The following MAP10 variants were observed in gnomAD, a reference collection of about 807,000 sequenced individuals.
MAP10 encodes the protein microtubule-associated protein 10.
A neutral mutation model predicts 6.3 loss-of-function variants in MAP10; 10 were observed. That is an observed-to-expected ratio of 1.58 (90% confidence interval 0.98 to 2.69). The LOEUF is 2.69. Among genes scored for constraint, MAP10 ranks in the 30% most tolerant of loss-of-function variants. The pLI, the probability that MAP10 is intolerant of heterozygous loss-of-function variation, is 0.00. For synonymous variants in MAP10, 459 were observed against 429.3 expected (o/e 1.07, Z -0.86); for missense variants, 1,189 against 1,086.5 (o/e 1.09, Z -1.33).
Position 232,806,181 on chromosome 1 carries a change from G to C in MAP10, c.732G>C (p.Lys244Asn). 1 of 1,613,994 alleles carries C rather than the reference G, an allele frequency of 6.2e-7. No homozygotes were observed. Among genetic ancestry groups the C allele is most frequent in the Non-Finnish European group, 8.5e-7 (1 of 1,179,900 alleles). The change falls in exon 1 of 1, where the codon AAG (lysine) becomes AAC (asparagine). Residue 244 changes from lysine (K) to asparagine (N), a missense_variant. Lys to Asn is a moderately conservative substitution (Grantham distance 94). Transcript: ENST00000418460. ...AGTTAGAAATCCCAGAGGCACAGAA[G>C]GATTTGAAGGAAATGGTTAAAAGTA... ...LGELEIPEAQKDLKEMVKSKA... is the reference protein window; with the variant it reads ...LGELEIPEAQNDLKEMVKSKA...
rs1360127753 is a variant in MAP10 at position 232,806,625 on chromosome 1, A to C, written c.1176A>C (p.Ile392=). The C allele has an allele frequency of 1.2e-6, 2 of 1,613,958 alleles. No homozygotes were observed. ...CQTEQNRINT[I]RQLPLLNALL... ...CTGAACAAAATCGAATTAATACAAT[A>C]AGGCAGTTGCCTTTGTTAAATGCTT... The change falls in exon 1 of 1, where the codon ATA becomes ATC. Residue 392 remains isoleucine (I), a synonymous_variant. Coordinates refer to ENST00000418460, the MANE Select transcript of MAP10 (RefSeq NM_019090.3).
At position 232,808,277 on chromosome 1, in the gene MAP10, GAATT is replaced by G. The variant is rs770566666; in HGVS notation, c.*113_*116del. 23 of 603,142 alleles carry G rather than the reference GAATT, an allele frequency of 3.8e-5. No homozygotes were observed. Among genetic ancestry groups the G allele is most frequent in the African/African-American group, 5.6e-5 (3 of 53,194 alleles). 37.4% of individuals were successfully genotyped at this position (603,142 alleles called of 1,614,324 possible). On this transcript the variant is annotated 3_prime_UTR_variant, in exon 1 of 1. Coordinates refer to ENST00000418460, the MANE Select transcript of MAP10 (RefSeq NM_019090.3). ...TGTGAATAATTTTTTAAAGAAATAT[GAATT>G]AACGTTATTCCTTTGATGTTTAAAT...
At position 232,807,925 on chromosome 1, in the gene MAP10, G is replaced by T. The variant is rs745985214; in HGVS notation, c.2476G>T (p.Ala826Ser). 2.5e-6 allele frequency: 4 copies of T among 1,613,220 alleles called. No individual in the cohort carries two copies. Among genetic ancestry groups the T allele is most frequent in the Non-Finnish European group, 2.5e-6 (3 of 1,179,648 alleles). The change falls in exon 1 of 1, where the codon GCT becomes TCT. Residue 826 changes from alanine (A) to serine (S), a missense_variant. Transcript: ENST00000418460. ...GCACAATTCTGAAATTACAAAGAGAGCTCAAGACATCTCTGTTAAAACAAG... is the reference window on the plus strand; with the variant it reads ...GCACAATTCTGAAATTACAAAGAGATCTCAAGACATCTCTGTTAAAACAAG... The part of the protein sequence containing the change: ...SMHNSEITKR[A>S]QDISVKTRSS...
Position 232,808,188 on chromosome 1 carries a change from C to A in MAP10, c.*21C>A. 6 of 1,491,600 alleles carry A rather than the reference C, an allele frequency of 4.0e-6. No homozygotes were observed. Among genetic ancestry groups the A allele is most frequent in the Non-Finnish European group, 5.4e-6 (6 of 1,113,022 alleles). 92.4% of individuals were successfully genotyped at this position (1,491,600 alleles called of 1,614,324 possible). A position where few individuals can be genotyped will look rare whatever the true frequency, so the allele number is the denominator to read the frequency against. On this transcript the variant is annotated 3_prime_UTR_variant, in exon 1 of 1. Transcript: ENST00000418460. ...TGTAAAAATACATGCTTTTAAAAAACTTTCAAGGACCTATGTGTACTGTTA... is the reference window on the plus strand; with the variant it reads ...TGTAAAAATACATGCTTTTAAAAAAATTTCAAGGACCTATGTGTACTGTTA...
In MAP10 at chr1:232,806,776, T is replaced by G; in HGVS notation, c.1327T>G (p.Cys443Gly). 6.2e-7 allele frequency: 1 copy of G among 1,613,786 alleles called. No homozygotes were observed. The highest frequency in any genetic ancestry group is 8.5e-7 in the Non-Finnish European group (1 of 1,179,848). Residue 443 changes from cysteine (C) to glycine (G), a missense_variant, in exon 1 of 1, where the codon TGC becomes GGC. Transcript: ENST00000418460. ...ACCCGAATCTTCTGCCAAATCCACA[T>G]GCCGGTCTGAAGCCAAGAAGGATAA... is the stretch of plus-strand genomic sequence containing the variant. ...KSPESSAKST[C>G]RSEAKKDKRS...
Position 232,807,478 on chromosome 1 carries a change from C to A in MAP10, c.2029C>A (p.Leu677Ile). The A allele has an allele frequency of 1.2e-6, 2 of 1,613,718 alleles. No individual in the cohort carries two copies. The highest frequency in any genetic ancestry group is 1.7e-6 in the Non-Finnish European group (2 of 1,179,726). Residue 677 changes from leucine (L) to isoleucine (I), a missense_variant, in exon 1 of 1, where the codon CTT becomes ATT. Coordinates refer to ENST00000418460, the MANE Select transcript of MAP10 (RefSeq NM_019090.3). ...RQVKTTDNDI[L>I]MADISDKRTG... Reference sequence around the variant, plus strand: ...GGTCAAAACCACAGATAATGACATTCTTATGGCTGATATAAGTGACAAGAG... The same window carrying A: ...GGTCAAAACCACAGATAATGACATTATTATGGCTGATATAAGTGACAAGAG...
Position 232,806,564 on chromosome 1 carries a change from T to C in MAP10, c.1115T>C (p.Ile372Thr), listed in dbSNP as rs1313486555. 11 of 1,613,816 alleles carry C rather than the reference T, an allele frequency of 6.8e-6. No homozygotes were observed. In the East Asian group the frequency reaches 2.0e-4, roughly 29 times the overall value. ...HPPMLVNPPH[I>T]QNIGATNQTC... ...CCAATGCTTGTAAATCCTCCACATA[T>C]TCAGAATATAGGAGCAACTAATCAA... Residue 372 changes from isoleucine (I) to threonine (T), a missense_variant, in exon 1 of 1, where the codon ATT becomes ACT. Physicochemically the swap from Ile to Thr is moderately conservative, Grantham distance 89. Transcript: ENST00000418460.
chr1:232,807,750 A>T lies in MAP10; in HGVS notation c.2301A>T (p.Ser767=). 6.2e-7 allele frequency: 1 copy of T among 1,613,838 alleles called. No homozygotes were observed. Among genetic ancestry groups the T allele is most frequent in the Non-Finnish European group, 8.5e-7 (1 of 1,179,790 alleles). ...GTTCTATCCTTAGCCCACCTTTTTCAGCCGGGTCACCTGTACACTCATACA... is the reference window on the plus strand; with the variant it reads ...GTTCTATCCTTAGCCCACCTTTTTCTGCCGGGTCACCTGTACACTCATACA... The part of the protein sequence containing the change: ...DRSSILSPPF[S]AGSPVHSYRK... Residue 767 remains serine (S), a synonymous_variant, in exon 1 of 1, where the codon TCA becomes TCT. Coordinates refer to ENST00000418460, the MANE Select transcript of MAP10 (RefSeq NM_019090.3).
chr1:232,808,837 G>A lies in MAP10; in HGVS notation c.*670G>A, dbSNP rs754844845. Among the ~76,000 whole-genome samples, 8 of 151,974 alleles carry A rather than the reference G, an allele frequency of 5.3e-5. No homozygotes were observed. The highest frequency in any genetic ancestry group is 1.0e-4 in the Non-Finnish European group (7 of 67,964). ...CATTTTTGTATCTAGCACAATTCCT[G>A]GCATGTGGCTGCAGTGCAATAAAAA... On this transcript the variant is annotated 3_prime_UTR_variant, in exon 1 of 1. Transcript: ENST00000418460.
Position 232,806,044 on chromosome 1 carries a change from A to C in MAP10, c.595A>C (p.Thr199Pro), listed in dbSNP as rs1447162391. ...CCAACTTGAGCGGCCCCTCACCTTCACCCGCACAGGAGGAGGAGCGGAGGT... is the reference window on the plus strand; with the variant it reads ...CCAACTTGAGCGGCCCCTCACCTTCCCCCGCACAGGAGGAGGAGCGGAGGT... ...LSQLERPLTF[T>P]RTGGGAEVSP... Residue 199 changes from threonine (T) to proline (P), a missense_variant, in exon 1 of 1, where the codon ACC (threonine) becomes CCC (proline). By Grantham distance (38) the Thr-to-Pro change is conservative (BLOSUM62 -1). Coordinates refer to ENST00000418460, the MANE Select transcript of MAP10 (RefSeq NM_019090.3). 2 of 1,613,744 alleles carry C rather than the reference A, an allele frequency of 1.2e-6. No homozygotes were observed. Among genetic ancestry groups the C allele is most frequent in the South Asian group, 1.1e-5 (1 of 91,074 alleles).
rs1201774213 is a variant in MAP10, at chr1:232,807,041, T to C, written c.1592T>C (p.Met531Thr). Residue 531 changes from methionine (M) to threonine (T), a missense_variant, in exon 1 of 1, where the codon ATG (methionine) becomes ACG (threonine). Physicochemically the swap from Met to Thr is moderately conservative, Grantham distance 81 (BLOSUM62 -1). Transcript: ENST00000418460. ...RELYRKRQSQMLGTKFRIPSS... is the reference protein window; with the variant it reads ...RELYRKRQSQTLGTKFRIPSS... Reference sequence around the variant, plus strand: ...CTATATAGAAAAAGACAATCACAAATGTTGGGTACAAAATTCAGAATTCCG... The same window carrying C: ...CTATATAGAAAAAGACAATCACAAACGTTGGGTACAAAATTCAGAATTCCG... The C allele has an allele frequency of 1.2e-6, 2 of 1,613,158 alleles. No homozygotes were observed. The highest frequency in any genetic ancestry group is 1.1e-5 in the South Asian group (1 of 90,814).
rs1666157313 is a variant in MAP10 at position 232,809,135 on chromosome 1, T to A, written c.*968T>A. Among the ~76,000 whole-genome samples, 1 of 152,090 alleles carries A rather than the reference T, an allele frequency of 6.6e-6. No homozygotes were observed. Among genetic ancestry groups the A allele is most frequent in the Non-Finnish European group, 1.5e-5 (1 of 67,942 alleles). ...TCATTTCAGTTTGTTCAATGGTTAT[T>A]TTTAGTGTATGGAACTTTGTTTTTA... On this transcript the variant is annotated 3_prime_UTR_variant, in exon 1 of 1. Coordinates refer to ENST00000418460, the MANE Select transcript of MAP10 (RefSeq NM_019090.3).
At position 232,806,487 on chromosome 1, in the gene MAP10, A is replaced by C. The variant is rs775183254; in HGVS notation, c.1038A>C (p.Pro346=). Residue 346 remains proline, a synonymous_variant, in exon 1 of 1, where the codon CCA becomes CCC. Coordinates refer to ENST00000418460, the MANE Select transcript of MAP10 (RefSeq NM_019090.3). ...ASPEKKRVNP[P]AHRSCLKHPS... is the part of the protein sequence containing the mutation. ...CTGAAAAAAAGCGTGTAAATCCCCC[A>C]GCACACAGGAGTTGTCTAAAGCATC... is the stretch of plus-strand genomic sequence containing the variant. The C allele has an allele frequency of 6.2e-7, 1 of 1,613,834 alleles. No individual in the cohort carries two copies. Among genetic ancestry groups the C allele is most frequent in the Non-Finnish European group, 8.5e-7 (1 of 1,179,904 alleles).
Position 232,806,507 on chromosome 1 carries a change from A to T in MAP10, c.1058A>T (p.Lys353Met). 6.2e-7 allele frequency: 1 copy of T among 1,613,956 alleles called. No individual in the cohort carries two copies. Among genetic ancestry groups the T allele is most frequent in the Non-Finnish European group, 8.5e-7 (1 of 1,179,888 alleles). Residue 353 changes from lysine (K) to methionine (M), a missense_variant, in exon 1 of 1, where the codon AAG becomes ATG. By Grantham distance (95) the Lys-to-Met change is moderately conservative. Transcript: ENST00000418460. ...CCCCCAGCACACAGGAGTTGTCTAA[A>T]GCATCCAAGTTCTGCAGCACACGAA... ...VNPPAHRSCLKHPSSAAHEHP... is the reference protein window; with the variant it reads ...VNPPAHRSCLMHPSSAAHEHP...
Position 232,806,046 on chromosome 1 carries a change from C to T in MAP10, c.597C>T (p.Thr199=), listed in dbSNP as rs553686012. The T allele has an allele frequency of 3.1e-6, 5 of 1,613,970 alleles. No individual in the cohort carries two copies. The highest frequency in any genetic ancestry group is 4.5e-5 in the East Asian group (2 of 44,868). Residue 199 remains threonine (T), a synonymous_variant, in exon 1 of 1, where the codon ACC becomes ACT. Transcript: ENST00000418460. Reference sequence around the variant, plus strand: ...AACTTGAGCGGCCCCTCACCTTCACCCGCACAGGAGGAGGAGCGGAGGTCA... The same window carrying T: ...AACTTGAGCGGCCCCTCACCTTCACTCGCACAGGAGGAGGAGCGGAGGTCA... ...LSQLERPLTF[T]RTGGGAEVSP...
rs1360199041 is a variant in MAP10, at chr1:232,807,281, A to G, written c.1832A>G (p.Asn611Ser). The G allele has an allele frequency of 1.2e-6, 2 of 1,613,592 alleles. No homozygotes were observed. The highest frequency in any genetic ancestry group is 1.7e-6 in the Non-Finnish European group (2 of 1,179,730). Residue 611 changes from asparagine to serine, a missense_variant, in exon 1 of 1, where the codon AAT becomes AGT. Transcript: ENST00000418460. ...KTVDCSKNRI[N>S]NVSLEEVVSP... ...GTTGATTGTAGTAAAAATAGAATCA[A>G]TAATGTTTCATTGGAAGAAGTTGTG...
Position 232,807,259 on chromosome 1 carries a change from G to A in MAP10, c.1810G>A (p.Asp604Asn), listed in dbSNP as rs1170483064. The change falls in exon 1 of 1, where the codon GAT becomes AAT. Residue 604 changes from aspartate to asparagine, a missense_variant. Asp to Asn is a conservative substitution (Grantham distance 23). Transcript: ENST00000418460. ...ATATGCAACTGAAAAAAAGACAGTTGATTGTAGTAAAAATAGAATCAATAA... is the reference window on the plus strand; with the variant it reads ...ATATGCAACTGAAAAAAAGACAGTTAATTGTAGTAAAAATAGAATCAATAA... ...LKYATEKKTV[D>N]CSKNRINNVS... The A allele has an allele frequency of 5.0e-6, 8 of 1,613,226 alleles. No individual in the cohort carries two copies. The South Asian group carries it at 8.8e-5, about 18-fold the overall frequency.
Position 232,806,081 on chromosome 1 carries a change from C to T in MAP10, c.632C>T (p.Thr211Ile). The T allele has an allele frequency of 6.2e-7, 1 of 1,613,966 alleles. No individual in the cohort carries two copies. The highest frequency in any genetic ancestry group is 8.5e-7 in the Non-Finnish European group (1 of 1,179,880). The change falls in exon 1 of 1, where the codon ACC becomes ATC. Residue 211 changes from threonine to isoleucine, a missense_variant. Physicochemically the swap from Thr to Ile is moderately conservative, Grantham distance 89 (BLOSUM62 -1). Coordinates refer to ENST00000418460, the MANE Select transcript of MAP10 (RefSeq NM_019090.3). ...GGAGGAGCGGAGGTCAGTCCCCAAA[C>T]CCAGCAGGAAAGACAGCAGCTGCAG... ...TGGGAEVSPQ[T>I]QQERQQLQQP...
rs1431969342 is a variant in MAP10 at position 232,805,549 on chromosome 1, G to C, written c.100G>C (p.Glu34Gln). 1 of 1,559,760 alleles carries C rather than the reference G, an allele frequency of 6.4e-7. No homozygotes were observed. Among genetic ancestry groups the C allele is most frequent in the East Asian group, 2.4e-5 (1 of 41,740 alleles). ...GCTGCCGTCCCCCGCTGCCGCAGTG[G>C]AGCAGGAGGAGGAAGAGGAGGAAAA... ...RLLPSPAAAV[E>Q]QEEEEEEKEQ... The change falls in exon 1 of 1, where the codon GAG (glutamate) becomes CAG (glutamine). Residue 34 changes from glutamate (E) to glutamine (Q), a missense_variant. Glu to Gln is a conservative substitution (Grantham distance 29). Coordinates refer to ENST00000418460, the MANE Select transcript of MAP10 (RefSeq NM_019090.3).
Sources: gnomAD v4.1 joint callset for allele counts (sites outside exome capture counted in the v4.1 genomes callset) on GRCh38, gnomAD v4.1.1 for gene constraint, MANE v1.5 for transcripts, NCBI Gene and HGNC (gene_info 2026-07-23, HGNC 2026-07-21) for gene names.